The following OR51B5 variants were observed in gnomAD, a reference collection of about 807,000 sequenced individuals.
OR51B5 encodes the protein olfactory receptor 51B5.
For missense variants in OR51B5, 456 were observed against 374.6 expected (o/e 1.22, Z -1.79); for synonymous variants, 186 against 144.8 (o/e 1.28, Z -2.04).
At chr11:5,372,390 T>C (rs1040014091) in intron 1 of OR51B5, among the ~76,000 whole-genome samples, 6 of 152,224 alleles carry the variant, frequency 3.9e-5, no homozygotes, top group Admixed American at 3.3e-4. Context: ...CCACCAGCTA[T>C]GCACAAGAGT....
chr11:5,404,529 C>T (rs974418809), intron 1 of OR51B5, among the ~76,000 whole-genome samples: 5 of 152,110 alleles, frequency 3.3e-5, no homozygotes, highest in Non-Finnish European at 2.9e-5. Flanking sequence ...GTAAAATGGA[C>T]CAATCAGTGC....
intron 1 of OR51B5, chr11:5,489,557 A>G: frequency 1.2e-6 from 2 of 1,613,938 alleles, no homozygotes; most frequent in Non-Finnish European, 1.7e-6. Flanking sequence ...GCTAATCTCT[A>G]TGTGCTGGTG....
At chr11:5,390,165 C>A (rs9783355) in intron 1 of OR51B5, 1,291,706 of 1,613,600 alleles carry the variant, frequency 0.8, 520,241 homozygotes, top group Middle Eastern at 0.83. Context: ...TGCACCGCTC[C>A]TCTCTGTGCT....
intron 1 of OR51B5, among the ~76,000 whole-genome samples, chr11:5,413,421 A>G (rs1173136240): frequency 1.3e-5 from 2 of 152,246 alleles, no homozygotes; most frequent in Non-Finnish European, 1.5e-5. Context: ...CAGCAATGCA[A>G]CAAAGCTGGA....
At chr11:5,395,330 G>C (rs969006306) in intron 1 of OR51B5, among the ~76,000 whole-genome samples, 5 of 152,208 alleles carry the variant, frequency 3.3e-5, no homozygotes. Context: ...CTACAGAGAA[G>C]AAAGGACCAG....
chr11:5,412,846 C>T (rs1483136296), intron 1 of OR51B5, among the ~76,000 whole-genome samples: 1 of 146,196 alleles, frequency 6.8e-6, no homozygotes, highest in Non-Finnish European at 1.5e-5. Context: ...CCTCTGTAGG[C>T]TCCACCTCTG....
chr11:5,397,386 CA>C (rs1849893053), intron 1 of OR51B5, among the ~76,000 whole-genome samples: 1 of 152,084 alleles, frequency 6.6e-6, no homozygotes, highest in African/African-American at 2.4e-5. Flanking sequence ...AAAAAGTGGG[CA>C]AAGGATATGA....
intron 1 of OR51B5, among the ~76,000 whole-genome samples, chr11:5,365,531 T>TAC (rs1391999928): frequency 6.6e-6 from 1 of 152,186 alleles, no homozygotes; most frequent in Non-Finnish European, 1.5e-5. Flanking sequence ...ATGGCTGTAC[T>TAC]ACCTCGAAGT....
rs533699689 is a variant in OR51B5, at chr11:5,457,054, T to C, written n.84+48515A>G. Among the ~76,000 whole-genome samples, 3 of 152,304 alleles carry C rather than the reference T, an allele frequency of 2.0e-5. No individual in the cohort carries two copies. The East Asian group carries it at 5.8e-4, about 29-fold the overall frequency. ...GCTTCCCGTAAGCCTGCAGAACCATTATTTCTTTACAGCAATGTGAAAATG... is the reference window on the plus strand; with the variant it reads ...GCTTCCCGTAAGCCTGCAGAACCATCATTTCTTTACAGCAATGTGAAAATG... On this transcript the variant is annotated intron_variant and non_coding_transcript_variant, in intron 1 of 4. Transcript: ENST00000415970.
At chr11:5,483,524 G>A (rs557400976) in intron 1 of OR51B5, among the ~76,000 whole-genome samples, 3 of 132,714 alleles carry the variant, frequency 2.3e-5, no homozygotes, top group African/African-American at 2.9e-5. Flanking sequence ...AAAAAGAAAA[G>A]AAAAGAAAAG....
chr11:5,456,261 G>A (rs1473580278), intron 1 of OR51B5: 1 of 152,102 alleles, frequency 6.6e-6, no homozygotes, highest in Non-Finnish European at 1.5e-5. Flanking sequence ...AAAAGCCTCT[G>A]GCTCCTTTGT....
At chr11:5,472,870 G>A (rs1047023894) in intron 1 of OR51B5, among the ~76,000 whole-genome samples, 2 of 152,128 alleles carry the variant, frequency 1.3e-5, no homozygotes. Flanking sequence ...AGGGCACAAC[G>A]GAGAGGAGCC....
At chr11:5,467,907 G>A (rs1851162580) in intron 1 of OR51B5, among the ~76,000 whole-genome samples, 2 of 152,214 alleles carry the variant, frequency 1.3e-5, no homozygotes, top group Admixed American at 1.3e-4. Context: ...ATGACAGCAT[G>A]TGACTTTTCT....
chr11:5,413,884 C>CT (rs1850191142), intron 1 of OR51B5, among the ~76,000 whole-genome samples: 1 of 150,920 alleles, frequency 6.6e-6, no homozygotes, highest in Non-Finnish European at 1.5e-5. Flanking sequence ...GGAGAACTTC[C>CT]CCAATCTAGC....
chr11:5,477,888 G>A (rs534344642), intron 1 of OR51B5, among the ~76,000 whole-genome samples: 1 of 152,170 alleles, frequency 6.6e-6, no homozygotes, highest in East Asian at 1.9e-4. Flanking sequence ...CTGATTGCTA[G>A]CACAGCAGTC....
chr11:5,358,048 T>G (rs577394008), intron 1 of OR51B5, among the ~76,000 whole-genome samples: 356 of 151,806 alleles, frequency 2.3e-3, no homozygotes, highest in Non-Finnish European at 4.1e-3. Context: ...AGGAAAGATC[T>G]AAAATTGACA....
intron 1 of OR51B5, chr11:5,423,201 AG>A: frequency 6.7e-7 from 1 of 1,485,008 alleles, no homozygotes; most frequent in Non-Finnish European, 9.0e-7. Context: ...CATAGGCTTA[AG>A]GGGGGAATAT....
chr11:5,369,345 A>G (rs1223492138), intron 1 of OR51B5, among the ~76,000 whole-genome samples: 1 of 152,192 alleles, frequency 6.6e-6, no homozygotes, highest in Non-Finnish European at 1.5e-5. Context: ...AGTTAGTGGA[A>G]TACTATTAAC....
At chr11:5,453,788 G>T (rs757116270) in intron 1 of OR51B5, 1 of 1,614,198 alleles carries the variant, frequency 6.2e-7, no homozygotes, top group East Asian at 2.2e-5. Flanking sequence ...GTCTAATTCA[G>T]ATGTTTCTTA....
Sources: allele counts gnomAD v4.1 joint callset (sites outside exome capture counted in the v4.1 genomes callset), GRCh38; gene constraint gnomAD v4.1.1; transcripts MANE v1.5; gene names NCBI Gene and HGNC (gene_info 2026-07-23, HGNC 2026-07-21).